Variants in DLG2 observed in about 807,000 individuals in gnomAD.
The protein encoded by DLG2 is disks large homolog 2.
In DLG2, 45 loss-of-function variants were observed where a neutral mutation model predicts 132.5. The ratio of observed to expected loss-of-function variants is 0.34; its 90% CI spans 0.27 to 0.44. The LOEUF (loss-of-function observed/expected upper bound fraction) is 0.44. Among genes scored for constraint, DLG2 ranks in the 20% least tolerant of loss-of-function variants. The pLI, the probability that DLG2 is intolerant of heterozygous loss-of-function variation, is 1.00. For missense variants in DLG2, 1,045 were observed against 1,196.9 expected (o/e 0.87, Z 1.87); for synonymous variants, 424 against 419.6 (o/e 1.01, Z -0.13).
At chr11:85,602,721 C>A (rs1471927407) in intron 2 of DLG2, among the ~76,000 whole-genome samples, 1 of 152,166 alleles carries the variant, frequency 6.6e-6, no homozygotes, top group Non-Finnish European at 1.5e-5. Context: ...AAAGGCCCAC[C>A]TCTCTGACTT....
At chr11:85,510,122 G>A (rs286539) in intron 3 of DLG2, 134,133 of 150,826 alleles carry the variant, frequency 0.89, 59,895 homozygotes, top group African/African-American at 0.91. Context: ...GGATGAAGGA[G>A]AGCAAAAGAA....
rs1056348566 is a variant in DLG2 at position 84,875,824 on chromosome 11, A to C, written c.357+235837T>G. Among the ~76,000 whole-genome samples the C allele has an allele frequency of 5.3e-5, 8 of 151,950 alleles. No homozygotes were observed. In the East Asian group the frequency reaches 1.6e-3, roughly 29 times the overall value. On this transcript the variant is annotated intron_variant, in intron 6 of 27. Transcript: ENST00000376104. The stretch of plus-strand genomic sequence containing the variant: ...GCGATCTCAGCTCACTGAAATCTCC[A>C]CCTCCCAGGTTCAAGCGATTCTTCT...
chr11:84,174,506 G>C (rs543039176), intron 8 of DLG2, among the ~76,000 whole-genome samples: 7 of 152,092 alleles, frequency 4.6e-5, no homozygotes, highest in African/African-American at 1.7e-4. Context: ...CCTCCTTTTG[G>C]TATCTTTACT....
intron 7 of DLG2, among the ~76,000 whole-genome samples, chr11:84,329,362 C>T (rs1313385752): frequency 6.6e-6 from 1 of 152,032 alleles, no homozygotes; most frequent in Non-Finnish European, 1.5e-5. Context: ...CCTCACATGT[C>T]GTGGGAGGGA....
intron 16 of DLG2, among the ~76,000 whole-genome samples, chr11:83,848,250 C>A (rs886846842): frequency 1.3e-5 from 2 of 151,968 alleles, no homozygotes; most frequent in African/African-American, 4.8e-5. Context: ...AGAACTACAA[C>A]CCCCTTGGGC....
intron 6 of DLG2, among the ~76,000 whole-genome samples, chr11:85,093,468 G>C (rs2069180815): frequency 6.6e-6 from 1 of 152,246 alleles, no homozygotes; most frequent in Non-Finnish European, 1.5e-5. Context: ...TGCTTTACCA[G>C]TGTATTAGTC....
rs142142105 is a variant in DLG2 at position 84,000,490 on chromosome 11, T to C, written c.920-19848A>G. ...TGAAAACTTCCCAAGTCTAGCAAGA[T>C]AATTAGACATCCAGATACAGGAGGC... On this transcript the variant is annotated intron_variant, in intron 11 of 27. Coordinates refer to ENST00000376104, the MANE Select transcript of DLG2 (RefSeq NM_001142699.3). Among the ~76,000 whole-genome samples, 59 of 152,132 alleles carry C rather than the reference T, an allele frequency of 3.9e-4. 1 individual carries two copies. In the East Asian group the frequency reaches 7.7e-3, roughly 20 times the overall value.
intron 3 of DLG2, among the ~76,000 whole-genome samples, chr11:85,439,082 G>C (rs908990227): frequency 6.6e-6 from 1 of 152,086 alleles, no homozygotes; most frequent in Admixed American, 6.6e-5. Flanking sequence ...TTGTTTAACT[G>C]TTCACCTACT....
chr11:83,913,652 T>C (rs1427342947), intron 15 of DLG2, among the ~76,000 whole-genome samples: 4 of 152,124 alleles, frequency 2.6e-5, no homozygotes, highest in Admixed American at 6.6e-5. Flanking sequence ...CAGTTACTCA[T>C]GTGAACAGAC....
intron 13 of DLG2, among the ~76,000 whole-genome samples, 157 bp from the exon 14 acceptor site, chr11:83,963,180 T>A (rs2089304800): frequency 6.6e-6 from 1 of 152,026 alleles, no homozygotes; most frequent in African/African-American, 2.4e-5. Context: ...CTTATTTGCA[T>A]TTAATATATA....
At chr11:84,253,351 G>A (rs1052559708) in intron 7 of DLG2, among the ~76,000 whole-genome samples, 5 of 152,106 alleles carry the variant, frequency 3.3e-5, no homozygotes, top group Admixed American at 6.6e-5. Context: ...TTTTCCTTCC[G>A]TGTAGAATGG....
At chr11:85,366,837 G>C (rs2152909550) in intron 3 of DLG2, among the ~76,000 whole-genome samples, 1 of 152,102 alleles carries the variant, frequency 6.6e-6, no homozygotes, top group African/African-American at 2.4e-5. Context: ...AATCTTATAA[G>C]CTTTGCAAAC....
At chr11:83,615,260 CAAAT>C (rs1173587572) in intron 19 of DLG2, among the ~76,000 whole-genome samples, 2 of 152,136 alleles carry the variant, frequency 1.3e-5, no homozygotes, top group East Asian at 1.9e-4. Flanking sequence ...CAGGAAATGA[CAAAT>C]AACAGGGCTA....
chr11:85,470,905 GAC>G (rs1271900110), intron 3 of DLG2, among the ~76,000 whole-genome samples: 2 of 152,206 alleles, frequency 1.3e-5, no homozygotes. Flanking sequence ...AGGAGGATAA[GAC>G]ACAGAGACAT....
intron 7 of DLG2, among the ~76,000 whole-genome samples, chr11:84,431,796 A>G (rs2098985529): frequency 6.6e-6 from 1 of 152,180 alleles, no homozygotes; most frequent in Non-Finnish European, 1.5e-5. Context: ...ATTATGTCAT[A>G]TATTATTAAT....
intron 7 of DLG2, among the ~76,000 whole-genome samples, chr11:84,533,538 A>T (rs900827979): frequency 3.9e-4 from 59 of 152,184 alleles, no homozygotes; most frequent in Non-Finnish European, 7.2e-4. Flanking sequence ...TTTATTTGCT[A>T]ATACATTTTT....
At chr11:85,021,508 T>C (rs2060063644) in intron 6 of DLG2, 2 of 1,511,014 alleles carry the variant, frequency 1.3e-6, no homozygotes, top group East Asian at 2.3e-5. Flanking sequence ...AAAGCCGTTA[T>C]GAACAGAGGA....
chr11:83,730,568 A>G (rs909827017), intron 18 of DLG2, among the ~76,000 whole-genome samples: 3 of 152,112 alleles, frequency 2.0e-5, no homozygotes, highest in Non-Finnish European at 4.4e-5. Context: ...TACCAGGGAG[A>G]GCAAAGGTTA....
chr11:83,618,002 A>C (rs968656584), intron 19 of DLG2, among the ~76,000 whole-genome samples: 4 of 152,192 alleles, frequency 2.6e-5, no homozygotes, highest in African/African-American at 4.8e-5. Context: ...GTCTCAAAAA[A>C]AAGTACAATG....
Sources: allele counts gnomAD v4.1 joint callset (sites outside exome capture counted in the v4.1 genomes callset), GRCh38; gene constraint gnomAD v4.1.1; transcripts MANE v1.5; gene names NCBI Gene and HGNC (gene_info 2026-07-23, HGNC 2026-07-21).